Variants in ADAMTS17 observed in about 807,000 individuals in gnomAD.
The protein encoded by ADAMTS17 is A disintegrin and metalloproteinase with thrombospondin motifs 17.
A neutral mutation model predicts 141.5 loss-of-function variants in ADAMTS17; 113 were observed. The observed-to-expected ratio is 0.80, with a 90% CI of 0.69 to 0.93. The LOEUF (loss-of-function observed/expected upper bound fraction) is 0.93, where lower values mean the gene tolerates loss of function less well. Among genes scored for constraint, ADAMTS17 ranks in the 40% least tolerant of loss-of-function variants. The pLI is 0.00. For synonymous variants in ADAMTS17, 768 were observed against 630.6 expected (o/e 1.22, Z -3.27); for missense variants, 1,659 against 1,517.9 (o/e 1.09, Z -1.54).
chr15:100,184,107 G>C (rs954478294), intron 8 of ADAMTS17, among the ~76,000 whole-genome samples: 5 of 152,198 alleles, frequency 3.3e-5, no homozygotes, highest in Admixed American at 1.3e-4. Flanking sequence ...CACAAGTTGA[G>C]TAGGCCTGGG....
intron 4 of ADAMTS17, among the ~76,000 whole-genome samples, chr15:100,271,027 G>A (rs751874675): frequency 9.2e-5 from 14 of 151,836 alleles, no homozygotes; most frequent in Admixed American, 2.6e-4. Context: ...CTCATTTCAC[G>A]TAGCATAATG....
At chr15:100,331,656 C>T (rs1001804328) in intron 2 of ADAMTS17, among the ~76,000 whole-genome samples, 1 of 152,178 alleles carries the variant, frequency 6.6e-6, no homozygotes, top group African/African-American at 2.4e-5. Flanking sequence ...GTCAACATCC[C>T]CTTCTCCTGG....
Position 100,054,094 on chromosome 15 carries a change from G to T in ADAMTS17, c.2138-40C>A, listed in dbSNP as rs28587358. 1.4e-5 allele frequency: 23 copies of T among 1,613,120 alleles called. No homozygotes were observed. The Middle Eastern group carries it at 4.9e-4, about 35-fold the overall frequency. On this transcript the variant is annotated intron_variant, in intron 15 of 21. Transcript: ENST00000268070. ...GAAGACCAAAGAATCAAGGGGCTGG[G>T]GGTAGGGGGATCCAGCCTGTCTTTA...
intron 7 of ADAMTS17, among the ~76,000 whole-genome samples, chr15:100,249,000 T>A (rs1324182020): frequency 6.6e-6 from 1 of 151,958 alleles, no homozygotes; most frequent in Non-Finnish European, 1.5e-5. Context: ...AGTTTCACCA[T>A]GTTGATCAGG....
chr15:100,063,709 C>T, intron 15 of ADAMTS17: 1 of 1,289,986 alleles, frequency 7.8e-7, no homozygotes, highest in Non-Finnish European at 1.0e-6. Flanking sequence ...TTATCCTCCA[C>T]CACACGGATC....
At chr15:100,194,141 C>A (rs935834669) in intron 8 of ADAMTS17, among the ~76,000 whole-genome samples, 4 of 152,226 alleles carry the variant, frequency 2.6e-5, no homozygotes, top group African/African-American at 9.6e-5. Context: ...ACAAAGCAGA[C>A]TCCCTCCCTT....
chr15:100,275,800 A>C (rs2044061047), intron 4 of ADAMTS17, among the ~76,000 whole-genome samples: 1 of 151,446 alleles, frequency 6.6e-6, no homozygotes, highest in East Asian at 2.0e-4. Flanking sequence ...CGCTAATCTA[A>C]TACATCAAAA....
chr15:100,059,380 G>A lies in ADAMTS17; in HGVS notation c.2138-5326C>T, dbSNP rs575365853. ...CTCGGGACAGCGTGCTCCTAGCCAC[G>A]CATTTGTGTATCTCCCGGGGAGAGG... On this transcript the variant is annotated intron_variant, in intron 15 of 21. Coordinates refer to ENST00000268070, the MANE Select transcript of ADAMTS17 (RefSeq NM_139057.4). 2.9e-4 allele frequency among the ~76,000 whole-genome samples: 44 copies of A among 152,100 alleles called. No individual in the cohort carries two copies. In the South Asian group the frequency reaches 7.9e-3, roughly 27 times the overall value.
At chr15:100,150,942 C>T (rs551111367) in intron 10 of ADAMTS17, among the ~76,000 whole-genome samples, 9 of 152,376 alleles carry the variant, frequency 5.9e-5, no homozygotes, top group African/African-American at 2.2e-4. Flanking sequence ...GCCATCCGTG[C>T]ACTGCAGGGA....
chr15:100,291,926 CTAAAA>C (rs1236358456), intron 3 of ADAMTS17, among the ~76,000 whole-genome samples: 12 of 152,182 alleles, frequency 7.9e-5, no homozygotes, highest in African/African-American at 2.7e-4. Context: ...ACCCCTGAAA[CTAAAA>C]TAAAAGTTAA....
intron 3 of ADAMTS17, among the ~76,000 whole-genome samples, chr15:100,289,118 G>A (rs1247903747): frequency 2.6e-5 from 4 of 152,150 alleles, no homozygotes; most frequent in African/African-American, 9.7e-5. Flanking sequence ...AATAAAAAAA[G>A]AGAAGATCCA....
intron 2 of ADAMTS17, among the ~76,000 whole-genome samples, chr15:100,337,868 T>C (rs909365393): frequency 6.6e-6 from 1 of 152,248 alleles, no homozygotes; most frequent in Non-Finnish European, 1.5e-5. Flanking sequence ...CCTGTCTACC[T>C]ATGAAGTTCA....
chr15:100,164,866 C>T (rs779564350), intron 8 of ADAMTS17, among the ~76,000 whole-genome samples: 3 of 152,180 alleles, frequency 2.0e-5, no homozygotes, highest in Non-Finnish European at 4.4e-5. Context: ...AGTGGCTACC[C>T]CCATCCAGGA....
rs182200180 is a variant in ADAMTS17 at position 100,298,003 on chromosome 15, G to C, written c.617-16602C>G. The stretch of plus-strand genomic sequence containing the variant: ...AGAGTGCCCAGGAAGGAAGGAAGGA[G>C]GGGCTGACTGAACAACAGGGAGTCA... On this transcript the variant is annotated intron_variant, in intron 3 of 21. Coordinates refer to ENST00000268070, the MANE Select transcript of ADAMTS17 (RefSeq NM_139057.4). 4.9e-3 allele frequency among the ~76,000 whole-genome samples: 743 copies of C among 152,160 alleles called. 7 individuals are homozygous for C. The highest frequency in any genetic ancestry group is 0.017 in the African/African-American group (701 of 41,500).
chr15:100,282,106 C>G (rs993730779), intron 3 of ADAMTS17, among the ~76,000 whole-genome samples: 1 of 152,198 alleles, frequency 6.6e-6, no homozygotes, highest in Non-Finnish European at 1.5e-5. Flanking sequence ...AAAGAGCCCA[C>G]ACCTACAGGT....
At chr15:100,277,456 C>T (rs894189198) in intron 4 of ADAMTS17, among the ~76,000 whole-genome samples, 2 of 152,160 alleles carry the variant, frequency 1.3e-5, no homozygotes, top group African/African-American at 2.4e-5. Context: ...ATATCAAAGT[C>T]GAAGCTCTGC....
chr15:100,230,930 G>A (rs570177187), intron 7 of ADAMTS17, among the ~76,000 whole-genome samples: 76 of 152,208 alleles, frequency 5.0e-4, no homozygotes, highest in Non-Finnish European at 8.8e-4. Flanking sequence ...AACAGCCCAC[G>A]GGGGGAGGAG....
intron 20 of ADAMTS17, among the ~76,000 whole-genome samples, chr15:99,977,856 C>T (rs964784905): frequency 4.0e-4 from 61 of 152,286 alleles, no homozygotes; most frequent in African/African-American, 1.4e-3. Flanking sequence ...CTTACATTGG[C>T]CTCTTCCCAG....
chr15:100,140,037 C>T (rs988632238), intron 10 of ADAMTS17, among the ~76,000 whole-genome samples: 19 of 152,032 alleles, frequency 1.2e-4, no homozygotes, highest in Admixed American at 1.2e-3. Flanking sequence ...ACTCTGTCAC[C>T]CAGGCTGGAG....
Sources: allele counts gnomAD v4.1 joint callset (sites outside exome capture counted in the v4.1 genomes callset), GRCh38; gene constraint gnomAD v4.1.1; transcripts MANE v1.5; gene names NCBI Gene and HGNC (gene_info 2026-07-23, HGNC 2026-07-21).